NCALD: variants seen among roughly 807,000 people sequenced by gnomAD.
NCALD encodes the protein neurocalcin delta.
A neutral mutation model predicts 18.6 loss-of-function variants in NCALD; 10 were observed. That is an observed-to-expected ratio of 0.54 (90% CI 0.33 to 0.91). NCALD has a LOEUF of 0.91. NCALD is among the 40% of genes least tolerant of loss of function. The pLI is 0.03. For missense variants in NCALD, 184 were observed against 247.6 expected, an observed-to-expected ratio of 0.74 and a Z score of 1.72; for synonymous variants, 88 against 87.4, an observed-to-expected ratio of 1.01 and a Z score of -0.04.
intron 1 of NCALD, among the ~76,000 whole-genome samples, chr8:102,094,630 G>C (rs1227670807): frequency 6.6e-6 from 1 of 152,192 alleles, no homozygotes; most frequent in African/African-American, 2.4e-5. Flanking sequence ...ATTCTTATGG[G>C]CTGAATTTTA....
At chr8:101,987,599 A>G (rs1820863695) in intron 2 of NCALD, among the ~76,000 whole-genome samples, 1 of 152,218 alleles carries the variant, frequency 6.6e-6, no homozygotes, top group Admixed American at 6.5e-5. Context: ...TTTACTTGAG[A>G]AATTGTTAAA....
chr8:101,778,480 CT>C (rs908919935), intron 1 of NCALD, among the ~76,000 whole-genome samples: 22 of 149,642 alleles, frequency 1.5e-4, no homozygotes, highest in South Asian at 6.4e-4. Flanking sequence ...AAGAAGGTAA[CT>C]TTTTTTTTTA....
intron 2 of NCALD, among the ~76,000 whole-genome samples, chr8:101,707,112 T>G: frequency 6.6e-6 from 1 of 152,172 alleles, no homozygotes; most frequent in East Asian, 1.9e-4. Context: ...CTAGAAACTC[T>G]TCCCCTGCCC....
At chr8:101,835,404 C>T (rs1276102558) in intron 4 of NCALD, among the ~76,000 whole-genome samples, 1 of 152,246 alleles carries the variant, frequency 6.6e-6, no homozygotes, top group Non-Finnish European at 1.5e-5. Context: ...TAGACTGTTA[C>T]AACAGGGGAG....
At chr8:101,732,493 G>A (rs28564461) in intron 1 of NCALD, among the ~76,000 whole-genome samples, 39,808 of 149,960 alleles carry the variant, frequency 0.27, 8,430 homozygotes, top group African/African-American at 0.59. Flanking sequence ...TCCTGGTTTA[G>A]AAAGAATCTT....
At chr8:101,739,574 AG>A (rs1810096178) in intron 1 of NCALD, among the ~76,000 whole-genome samples, 1 of 152,192 alleles carries the variant, frequency 6.6e-6, no homozygotes, top group Admixed American at 6.5e-5. Context: ...AGAATAAAGC[AG>A]GCAGAAGTTG....
rs115940932 is a variant in NCALD, at chr8:101,694,593, G to A, written c.379-1697C>T. Among the ~76,000 whole-genome samples, 1,021 of 152,248 alleles carry A rather than the reference G, an allele frequency of 6.7e-3. 10 individuals are homozygous for A. The highest frequency in any genetic ancestry group is 0.023 in the African/African-American group (950 of 41,536). ...AGCGACTTGGTCTGGGAGGTAAAGC[G>A]CAGAGTTAGGGTGCTGTCTAGGATT... On this transcript the variant is annotated intron_variant, in intron 2 of 3. Transcript: ENST00000220931.
chr8:101,780,820 T>C (rs1175195847), intron 1 of NCALD, among the ~76,000 whole-genome samples: 1 of 152,216 alleles, frequency 6.6e-6, no homozygotes, highest in African/African-American at 2.4e-5. Context: ...TTTTACAGTA[T>C]TTCAAAATCA....
intron 1 of NCALD, among the ~76,000 whole-genome samples, chr8:102,050,118 C>T (rs962629425): frequency 1.5e-5 from 2 of 129,370 alleles, no homozygotes; most frequent in South Asian, 5.2e-4. Flanking sequence ...GCCGAGATTG[C>T]GCCACTGCAG....
intron 4 of NCALD, among the ~76,000 whole-genome samples, chr8:101,830,740 C>T (rs200074634): frequency 7.6e-6 from 1 of 132,066 alleles, no homozygotes; most frequent in Admixed American, 7.6e-5. Context: ...GAGAGGAATA[C>T]TTTTTTTTTT....
intron 3 of NCALD, among the ~76,000 whole-genome samples, chr8:101,891,076 T>C (rs927008793): frequency 1.3e-5 from 2 of 152,204 alleles, no homozygotes; most frequent in Admixed American, 6.5e-5. Context: ...CTTTTTCACA[T>C]ATAAATAAGC....
chr8:102,046,356 A>T (rs1270843636), intron 1 of NCALD, among the ~76,000 whole-genome samples: 2 of 152,230 alleles, frequency 1.3e-5, no homozygotes, highest in African/African-American at 4.8e-5. Flanking sequence ...CTCTCCATGC[A>T]TATTCTGAGA....
In NCALD at chr8:101,716,166, G is replaced by A. The variant is rs566087696; in HGVS notation, c.378+3086C>T. On this transcript the variant is annotated intron_variant, in intron 2 of 3. Transcript: ENST00000220931. ...AAAAAAGAATAAATTCATGTCCTTT[G>A]CTGGGACATGGATGAAGCTGGATAC... Among the ~76,000 whole-genome samples the A allele has an allele frequency of 7.2e-5, 11 of 152,262 alleles. No homozygotes were observed. The East Asian group carries it at 2.1e-3, about 29-fold the overall frequency.
chr8:101,953,632 T>A (rs1819514793), intron 2 of NCALD, among the ~76,000 whole-genome samples: 1 of 152,238 alleles, frequency 6.6e-6, no homozygotes, highest in African/African-American at 2.4e-5. Context: ...AGAGCCTTGC[T>A]CATGACAGGC....
At chr8:101,943,408 C>T (rs1478240649) in intron 2 of NCALD, among the ~76,000 whole-genome samples, 7 of 152,184 alleles carry the variant, frequency 4.6e-5, no homozygotes, top group Admixed American at 2.0e-4. Context: ...AGGCATTATT[C>T]CCCGTTCCTC....
intron 4 of NCALD, among the ~76,000 whole-genome samples, chr8:101,815,185 G>A (rs934315078): frequency 3.3e-5 from 5 of 152,106 alleles, no homozygotes; most frequent in Admixed American, 1.3e-4. Flanking sequence ...GAAGAACAGA[G>A]CTGGAGGACT....
intron 2 of NCALD, among the ~76,000 whole-genome samples, chr8:101,715,060 T>C (rs1816009824): frequency 6.7e-6 from 1 of 150,066 alleles, no homozygotes; most frequent in Non-Finnish European, 1.5e-5. Context: ...CAAACTATAC[T>C]ACAAGGCTAC....
intron 2 of NCALD, among the ~76,000 whole-genome samples, chr8:101,979,471 C>A (rs768819647): frequency 1.3e-5 from 2 of 152,160 alleles, no homozygotes; most frequent in Non-Finnish European, 2.9e-5. Context: ...AAGTGCTATG[C>A]AGAGAATAAA....
At position 101,775,570 on chromosome 8, in the gene NCALD, G is replaced by C. The variant is rs866438557; in HGVS notation, c.-20+15292C>G. On this transcript the variant is annotated intron_variant, in intron 1 of 3. Transcript: ENST00000220931. ...CTGATTCTGATGCCAGTGACTGGAGGGCCCTGTGTTTAGACATTATACCTC... is the reference window on the plus strand; with the variant it reads ...CTGATTCTGATGCCAGTGACTGGAGCGCCCTGTGTTTAGACATTATACCTC... 2.0e-5 allele frequency among the ~76,000 whole-genome samples: 3 copies of C among 152,134 alleles called. No homozygotes were observed. The South Asian group carries it at 6.2e-4, about 32-fold the overall frequency.
Sources: allele counts gnomAD v4.1 joint callset (sites outside exome capture counted in the v4.1 genomes callset), GRCh38; gene constraint gnomAD v4.1.1; transcripts MANE v1.5; gene names NCBI Gene and HGNC (gene_info 2026-07-23, HGNC 2026-07-21).